Variants in GTF2H4 observed in about 807,000 individuals in gnomAD.
The protein encoded by GTF2H4 is BTF2 p52.
In GTF2H4, 49 loss-of-function variants were observed where a neutral mutation model predicts 62.2. That is an observed-to-expected ratio of 0.79 (90% CI 0.63 to 1.00). The LOEUF (loss-of-function observed/expected upper bound fraction) is 1.00. Among genes scored for constraint, GTF2H4 ranks in the 50% least tolerant of loss-of-function variants. The pLI is 0.00. For missense variants in GTF2H4, 479 were observed against 587.8 expected, an observed-to-expected ratio of 0.81 and a Z score of 1.91; for synonymous variants, 189 against 233.8, an observed-to-expected ratio of 0.81 and a Z score of 1.75.
chr6:30,908,796 T>C (rs917287509), intron 1 of GTF2H4, among the ~76,000 whole-genome samples: 1 of 152,064 alleles, frequency 6.6e-6, no homozygotes, highest in African/African-American at 2.4e-5. Context: ...AACAATTCTG[T>C]CACTTGGTAA....
In GTF2H4 at chr6:30,913,459, T is replaced by C. The variant is rs1793903786; in HGVS notation, c.1216+72T>C. On this transcript the variant is annotated intron_variant, in intron 13 of 13. Coordinates refer to ENST00000259895, the MANE Select transcript of GTF2H4 (RefSeq NM_001517.5). The surrounding 1 kb of genome is among the most constrained non-coding windows in gnomAD (Gnocchi z 4.2). ...GGCAGACAGTTCAGTCTGCATTTTA[T>C]TTTTTACTTCATGGACTAGGAGAGA... 1 of 1,520,416 alleles carries C rather than the reference T, an allele frequency of 6.6e-7. No homozygotes were observed. The highest frequency in any genetic ancestry group is 1.9e-5 in the Admixed American group (1 of 51,746). The allele number at this position is 1,520,416 out of a possible 1,614,324, so 94.2% of individuals were successfully genotyped here. A position where few individuals can be genotyped will look rare whatever the true frequency, so the allele number is the denominator to read the frequency against.
chr6:30,910,743 C>A lies in GTF2H4; in HGVS notation c.453C>A (p.Tyr151Ter). 6.2e-7 allele frequency: 1 copy of A among 1,612,522 alleles called. No individual in the cohort carries two copies. The highest frequency in any genetic ancestry group is 8.5e-7 in the Non-Finnish European group (1 of 1,179,642). ...HARDVPSLDKYAEERWEVVLH... is the reference protein window; with the variant it reads ...HARDVPSLDK ...GGGACGTTCCCTCCCTTGACAAGTA[C>A]GCCGAGGAGCGATGGGAGGTAAGCA... Residue 151 changes from tyrosine to a stop codon, truncating the protein, a stop_gained, in exon 5 of 14, where the codon TAC becomes TAA. Coordinates refer to ENST00000259895, the MANE Select transcript of GTF2H4 (RefSeq NM_001517.5). LOFTEE classifies it high-confidence loss of function. The surrounding 1 kb of genome is among the most constrained non-coding windows in gnomAD (Gnocchi z 4.7).
At position 30,910,483 on chromosome 6, in the gene GTF2H4, C is replaced by G. The variant is rs1020276328; in HGVS notation, c.375-182C>G. 1.6e-6 allele frequency: 1 copy of G among 634,874 alleles called. No individual in the cohort carries two copies. The highest frequency in any genetic ancestry group is 2.9e-6 in the Non-Finnish European group (1 of 349,482). The allele number at this position is 634,874 out of a possible 1,614,324, so 39.3% of individuals were successfully genotyped here. On this transcript the variant is annotated intron_variant, in intron 4 of 13. Coordinates refer to ENST00000259895, the MANE Select transcript of GTF2H4 (RefSeq NM_001517.5). The surrounding 1 kb of genome is among the most constrained non-coding windows in gnomAD (Gnocchi z 4.7). ...TAGCTGGGATTACAGGCACCCACCA[C>G]GACGCCAGGCTAATTTTTTGTATTT... is the stretch of plus-strand genomic sequence containing the variant.
In GTF2H4 at chr6:30,911,557, T is replaced by C. The variant is rs1042198051; in HGVS notation, c.741+58T>C. On this transcript the variant is annotated intron_variant, in intron 8 of 13. Transcript: ENST00000259895. The surrounding 1 kb of genome is among the most constrained non-coding windows in gnomAD (Gnocchi z 4.3). The stretch of plus-strand genomic sequence containing the variant: ...AAGGGGAAAGCAAGTTGTGGGGCAG[T>C]AGAGTAGACTGAGAAGATAAGAATG... 2.1e-6 allele frequency: 3 copies of C among 1,462,342 alleles called. No homozygotes were observed. The Admixed American group carries it at 5.1e-5, about 25-fold the overall frequency. 90.6% of individuals were successfully genotyped at this position (1,462,342 alleles called of 1,614,324 possible).
chr6:30,910,131 C>T lies in GTF2H4; in HGVS notation c.374+68C>T. 6.4e-7 allele frequency: 1 copy of T among 1,562,258 alleles called. No homozygotes were observed. Among genetic ancestry groups the T allele is most frequent in the Non-Finnish European group, 8.7e-7 (1 of 1,147,670 alleles). ...GCTGCTTATTAAACCACTAATTAAA[C>T]TTTGGGAGGGGGAGCTCCTGGGGGC... On this transcript the variant is annotated intron_variant, in intron 4 of 13. Coordinates refer to ENST00000259895, the MANE Select transcript of GTF2H4 (RefSeq NM_001517.5). This position sits in a 1 kb window ranked among gnomAD's most constrained non-coding sequence, Gnocchi z 4.7.
Position 30,911,397 on chromosome 6 carries a change from C to A in GTF2H4, c.673-34C>A. ...TTTCTTCCCATTGTCTCCCTCCCAT[C>A]CCTCCTCCTTTGTCTCTGCCTCTTT... On this transcript the variant is annotated intron_variant, in intron 7 of 13. Transcript: ENST00000259895. This position sits in a 1 kb window ranked among gnomAD's most constrained non-coding sequence, Gnocchi z 4.3. 1.3e-6 allele frequency: 2 copies of A among 1,585,832 alleles called. No individual in the cohort carries two copies. Among genetic ancestry groups the A allele is most frequent in the Non-Finnish European group, 1.7e-6 (2 of 1,154,740 alleles).
In GTF2H4 at chr6:30,912,522, G is replaced by T; in HGVS notation, c.1089+64G>T. 6 of 1,591,820 alleles carry T rather than the reference G, an allele frequency of 3.8e-6. No individual in the cohort carries two copies. The highest frequency in any genetic ancestry group is 2.2e-5 in the East Asian group (1 of 44,794). On this transcript the variant is annotated intron_variant, in intron 11 of 13. Transcript: ENST00000259895. The surrounding 1 kb of genome is among the most constrained non-coding windows in gnomAD (Gnocchi z 4.8). Reference sequence around the variant, plus strand: ...TGCACTTGGGCTGCGGGGGACAGGGGTCACATTATGGAAGGCTAGCTCTGA... The same window carrying T: ...TGCACTTGGGCTGCGGGGGACAGGGTTCACATTATGGAAGGCTAGCTCTGA...
chr6:30,913,748 T>A lies in GTF2H4; in HGVS notation c.1217-63T>A. 1 of 1,430,406 alleles carries A rather than the reference T, an allele frequency of 7.0e-7. No homozygotes were observed. Among genetic ancestry groups the A allele is most frequent in the South Asian group, 1.4e-5 (1 of 69,906 alleles). 88.6% of individuals were successfully genotyped at this position (1,430,406 alleles called of 1,614,324 possible). On this transcript the variant is annotated intron_variant, in intron 13 of 13. Coordinates refer to ENST00000259895, the MANE Select transcript of GTF2H4 (RefSeq NM_001517.5). This position sits in a 1 kb window ranked among gnomAD's most constrained non-coding sequence, Gnocchi z 4.2. ...ACCAAGGAGCTGGGGGGATTCCCAATAGGAGCTCCGAGCTTCACTTTCTCG... is the reference window on the plus strand; with the variant it reads ...ACCAAGGAGCTGGGGGGATTCCCAAAAGGAGCTCCGAGCTTCACTTTCTCG...
At chr6:30,908,440 TGA>T (rs779229286) in intron 1 of GTF2H4, 37 bp downstream of exon 1, 464 of 161,176 alleles carry the variant, frequency 2.9e-3, no homozygotes, top group African/African-American at 8.4e-3. Context: ...GGCAGAGGTA[TGA>T]GAGAGAGAGA....
chr6:30,908,693 G>A (rs537856674), intron 1 of GTF2H4, among the ~76,000 whole-genome samples: 18 of 152,320 alleles, frequency 1.2e-4, no homozygotes, highest in Admixed American at 7.8e-4. Context: ...GGATGGAAGA[G>A]AGAGGTGTGG....
rs576294868 is a variant in GTF2H4, at chr6:30,910,837, C to G, written c.472-16C>G. On this transcript the variant is annotated splice_polypyrimidine_tract_variant and intron_variant, in intron 5 of 13. Coordinates refer to ENST00000259895, the MANE Select transcript of GTF2H4 (RefSeq NM_001517.5). This position sits in a 1 kb window ranked among gnomAD's most constrained non-coding sequence, Gnocchi z 4.7. ...GCCCTTGGGGCATGGTCTCCCTGTT[C>G]TCTTCTGTTCTTCAGGTGGTCTTGC... 1 of 1,610,738 alleles carries G rather than the reference C, an allele frequency of 6.2e-7. No individual in the cohort carries two copies. The highest frequency in any genetic ancestry group is 8.5e-7 in the Non-Finnish European group (1 of 1,178,246).
Position 30,913,770 on chromosome 6 carries a change from CTCG to C in GTF2H4, c.1217-38_1217-36del, listed in dbSNP as rs1159608914. ...CAATAGGAGCTCCGAGCTTCACTTT[CTCG>C]TCTTCTCCCCGCGCCCCTCCCGTCC... On this transcript the variant is annotated intron_variant, in intron 13 of 13. Coordinates refer to ENST00000259895, the MANE Select transcript of GTF2H4 (RefSeq NM_001517.5). This position sits in a 1 kb window ranked among gnomAD's most constrained non-coding sequence, Gnocchi z 4.2. The C allele has an allele frequency of 6.7e-7, 1 of 1,494,988 alleles. No homozygotes were observed. The highest frequency in any genetic ancestry group is 2.2e-5 in the Admixed American group (1 of 44,536). 92.6% of individuals were successfully genotyped at this position (1,494,988 alleles called of 1,614,324 possible). A position where few individuals can be genotyped will look rare whatever the true frequency, so the allele number is the denominator to read the frequency against.
Position 30,909,211 on chromosome 6 carries a change from T to C in GTF2H4, c.137+38T>C. On this transcript the variant is annotated intron_variant, in intron 2 of 13. Coordinates refer to ENST00000259895, the MANE Select transcript of GTF2H4 (RefSeq NM_001517.5). This position sits in a 1 kb window ranked among gnomAD's most constrained non-coding sequence, Gnocchi z 4.3. The stretch of plus-strand genomic sequence containing the variant: ...TTCATGGCAGGGAAATGTAATGGGG[T>C]CTGCGGAGTGGAATAAAATATCATA... The C allele has an allele frequency of 1.9e-6, 3 of 1,592,746 alleles. No individual in the cohort carries two copies. Among genetic ancestry groups the C allele is most frequent in the Non-Finnish European group, 2.6e-6 (3 of 1,167,778 alleles).
In GTF2H4 at chr6:30,910,262, A is replaced by T. The variant is rs1381653731; in HGVS notation, c.374+199A>T. On this transcript the variant is annotated intron_variant, in intron 4 of 13. Transcript: ENST00000259895. This position sits in a 1 kb window ranked among gnomAD's most constrained non-coding sequence, Gnocchi z 4.7. ...TGTCCCCCACTCATGGCCCCTGAGG[A>T]TAAGGGTGGAAAGATGGCAGAGGGC... is the stretch of plus-strand genomic sequence containing the variant. Among the ~76,000 whole-genome samples, 1 of 152,022 alleles carries T rather than the reference A, an allele frequency of 6.6e-6. No homozygotes were observed. The highest frequency in any genetic ancestry group is 1.5e-5 in the Non-Finnish European group (1 of 67,998).
chr6:30,909,910 C>T lies in GTF2H4; in HGVS notation c.243-22C>T. 2 of 1,602,774 alleles carry T rather than the reference C, an allele frequency of 1.2e-6. No homozygotes were observed. The highest frequency in any genetic ancestry group is 1.7e-6 in the Non-Finnish European group (2 of 1,176,308). On this transcript the variant is annotated intron_variant, in intron 3 of 13. Transcript: ENST00000259895. This position sits in a 1 kb window ranked among gnomAD's most constrained non-coding sequence, Gnocchi z 4.3. ...CTTTTTGTTTTCCAAATACCCTACTCACCTCTCTGCTTCTGTTCCAGGGCT... is the reference window on the plus strand; with the variant it reads ...CTTTTTGTTTTCCAAATACCCTACTTACCTCTCTGCTTCTGTTCCAGGGCT...
chr6:30,912,852 A>AT lies in GTF2H4; in HGVS notation c.1090-258_1090-257insT, dbSNP rs1226496377. 6.6e-6 allele frequency among the ~76,000 whole-genome samples: 1 copy of AT among 152,224 alleles called. No individual in the cohort carries two copies. The highest frequency in any genetic ancestry group is 2.4e-5 in the African/African-American group (1 of 41,464). On this transcript the variant is annotated intron_variant, in intron 11 of 13. Transcript: ENST00000259895. This position sits in a 1 kb window ranked among gnomAD's most constrained non-coding sequence, Gnocchi z 4.8. ...CTGTCATGCAATAAATGCTAAAAAA[A>AT]GAAAATAGTAGCTGCTGCTATTTTA... is the stretch of plus-strand genomic sequence containing the variant.
rs141485685 is a variant in GTF2H4 at position 30,910,015 on chromosome 6, T to C, written c.326T>C (p.Ile109Thr). 110 of 1,612,990 alleles carry C rather than the reference T, an allele frequency of 6.8e-5. No homozygotes were observed. The African/African-American group carries it at 1.0e-3, about 15-fold the overall frequency. ...CTCCCAGGCGGGCTCCAGGGCCTCATCCTCAACCCCATTTTCCGCCAGAAC... is the reference window on the plus strand; with the variant it reads ...CTCCCAGGCGGGCTCCAGGGCCTCACCCTCAACCCCATTTTCCGCCAGAAC... ...QLLPGGLQGLILNPIFRQNLR... is the reference protein window; with the variant it reads ...QLLPGGLQGLTLNPIFRQNLR... The change falls in exon 4 of 14, where the codon ATC (isoleucine) becomes ACC (threonine). Residue 109 changes from isoleucine (I) to threonine (T), a missense_variant. By Grantham distance (89) the Ile-to-Thr change is moderately conservative (BLOSUM62 -1). Coordinates refer to ENST00000259895, the MANE Select transcript of GTF2H4 (RefSeq NM_001517.5). This position sits in a 1 kb window ranked among gnomAD's most constrained non-coding sequence, Gnocchi z 4.7.
In GTF2H4 at chr6:30,911,121, T is replaced by G; in HGVS notation, c.561-37T>G. 1 of 1,498,680 alleles carries G rather than the reference T, an allele frequency of 6.7e-7. No individual in the cohort carries two copies. Among genetic ancestry groups the G allele is most frequent in the Non-Finnish European group, 9.3e-7 (1 of 1,075,976 alleles). 92.8% of individuals were successfully genotyped at this position (1,498,680 alleles called of 1,614,324 possible). A position where few individuals can be genotyped will look rare whatever the true frequency, so the allele number is the denominator to read the frequency against. On this transcript the variant is annotated intron_variant, in intron 6 of 13. Coordinates refer to ENST00000259895, the MANE Select transcript of GTF2H4 (RefSeq NM_001517.5). The surrounding 1 kb of genome is among the most constrained non-coding windows in gnomAD (Gnocchi z 4.3). ...ACAAGTGGGGATAGTAGTCTTTCTC[T>G]GCATATCACCATCATTGTCCTGGTC...
Position 30,912,144 on chromosome 6 carries a change from C to T in GTF2H4, c.956C>T (p.Thr319Met), listed in dbSNP as rs1327621245. The T allele has an allele frequency of 4.3e-5, 69 of 1,612,588 alleles. No homozygotes were observed. The highest frequency in any genetic ancestry group is 1.7e-4 in the Middle Eastern group (1 of 6,058). The change falls in exon 10 of 14, where the codon ACG becomes ATG. Residue 319 changes from threonine to methionine, a missense_variant and splice_region_variant. Transcript: ENST00000259895. The surrounding 1 kb of genome is among the most constrained non-coding windows in gnomAD (Gnocchi z 4.8). ...VETNYRLYAY[T>M]ESELQIALIA... ...ACCAATTACCGACTGTATGCCTACA[C>T]GGGTGAGGCGGGACAGAGGGCCCCT...
Sources: allele counts gnomAD v4.1 joint callset (sites outside exome capture counted in the v4.1 genomes callset), GRCh38; gene constraint gnomAD v4.1.1; non-coding constraint Gnocchi (gnomAD v3.1); transcripts MANE v1.5; gene names NCBI Gene and HGNC (gene_info 2026-07-23, HGNC 2026-07-21).